Variants in SLC7A14 observed in about 807,000 individuals in gnomAD.
The protein encoded by SLC7A14 is gamma-aminobutyric acid transporter SLC7A14.
Under a neutral mutation model 60.2 loss-of-function variants are expected in SLC7A14, and 37 were observed. That is an observed-to-expected ratio of 0.61 (90% CI 0.47 to 0.81). SLC7A14 has a LOEUF of 0.81. Among genes scored for constraint, SLC7A14 ranks in the 30% least tolerant of loss-of-function variants. The pLI, the probability that SLC7A14 is intolerant of heterozygous loss-of-function variation, is 0.00. For missense variants in SLC7A14, 886 were observed against 982.7 expected, an observed-to-expected ratio of 0.90 and a Z score of 1.32; for synonymous variants, 399 against 395.8, an observed-to-expected ratio of 1.01 and a Z score of -0.10.
At position 170,484,477 on chromosome 3, in the gene SLC7A14, A is replaced by G. The variant is rs553984339; in HGVS notation, c.907-955T>C. On this transcript the variant is annotated intron_variant, in intron 5 of 7. Transcript: ENST00000231706. ...TGATCTGCCTAACATCCCTGCCTTCAGAATTGGCCATAGGCAATGGAGCCA... is the reference window on the plus strand; with the variant it reads ...TGATCTGCCTAACATCCCTGCCTTCGGAATTGGCCATAGGCAATGGAGCCA... 3.3e-5 allele frequency among the ~76,000 whole-genome samples: 5 copies of G among 152,380 alleles called. No individual in the cohort carries two copies. The East Asian group carries it at 9.6e-4, about 29-fold the overall frequency.
At chr3:170,568,304 A>G (rs1294056609) in intron 1 of SLC7A14, among the ~76,000 whole-genome samples, 1 of 152,194 alleles carries the variant, frequency 6.6e-6, no homozygotes, top group African/African-American at 2.4e-5. Context: ...GGTTTGTCAA[A>G]GATCAGATAG....
intron 1 of SLC7A14, among the ~76,000 whole-genome samples, chr3:170,559,613 T>G (rs1003052309): frequency 6.6e-6 from 1 of 152,248 alleles, no homozygotes; most frequent in African/African-American, 2.4e-5. Context: ...TGTTGATTAA[T>G]CCATGTTCTA....
intron 1 of SLC7A14, among the ~76,000 whole-genome samples, chr3:170,544,335 G>GAC (rs1233490626): frequency 6.6e-6 from 1 of 151,756 alleles, no homozygotes; most frequent in Non-Finnish European, 1.5e-5. Flanking sequence ...AGGTAAAATA[G>GAC]ACACACACAC....
chr3:170,495,057 G>A (rs372229321), intron 4 of SLC7A14, among the ~76,000 whole-genome samples: 4 of 152,246 alleles, frequency 2.6e-5, no homozygotes, highest in East Asian at 1.9e-4. Flanking sequence ...TGTTTTAAGG[G>A]TGAGATACTA....
At chr3:170,486,800 A>G (rs1712048222) in intron 4 of SLC7A14, among the ~76,000 whole-genome samples, 2 of 149,534 alleles carry the variant, frequency 1.3e-5, no homozygotes, top group South Asian at 4.3e-4. Flanking sequence ...TGAACCCAGG[A>G]GGCAGAGGTT....
intron 7 of SLC7A14, among the ~76,000 whole-genome samples, chr3:170,468,745 T>C (rs987403012): frequency 4.6e-5 from 7 of 152,220 alleles, no homozygotes; most frequent in Non-Finnish European, 7.3e-5. Context: ...TGTGTAACCC[T>C]GGTCCCATTA....
At chr3:170,501,581 A>G (rs889654466) in intron 2 of SLC7A14, among the ~76,000 whole-genome samples, 3 of 152,240 alleles carry the variant, frequency 2.0e-5, no homozygotes, top group Non-Finnish European at 2.9e-5. Context: ...AAACTGTTGG[A>G]AACTGATCTT....
chr3:170,496,623 G>A lies in SLC7A14; in HGVS notation c.759+2044C>T, dbSNP rs1406340301. 7 of 1,535,576 alleles carry A rather than the reference G, an allele frequency of 4.6e-6. No homozygotes were observed. The East Asian group carries it at 6.7e-5, about 15-fold the overall frequency. On this transcript the variant is annotated intron_variant, in intron 4 of 7. Transcript: ENST00000231706. ...CACCTACAGGAAGCTGCTGGAGGGC[G>A]AGGAGAGCCCGGCTGGAGTCTGGGA...
At chr3:170,584,174 C>G (rs951136813) in intron 1 of SLC7A14, among the ~76,000 whole-genome samples, 1 of 152,190 alleles carries the variant, frequency 6.6e-6, no homozygotes, top group African/African-American at 2.4e-5. Context: ...CAAATTGGCT[C>G]AATCCTTTCC....
In SLC7A14 at chr3:170,571,716, A is replaced by C. The variant is rs150436005; in HGVS notation, c.-153+14195T>G. Among the ~76,000 whole-genome samples the C allele has an allele frequency of 3.9e-4, 59 of 152,318 alleles. 1 individual carries two copies. The East Asian group carries it at 9.1e-3, about 23-fold the overall frequency. The stretch of plus-strand genomic sequence containing the variant: ...TGTTGAATGAATTAATGAATAACTA[A>C]ATGAATAAAAAGCTATTATTTCTTT... On this transcript the variant is annotated intron_variant, in intron 1 of 7. Coordinates refer to ENST00000231706, the MANE Select transcript of SLC7A14 (RefSeq NM_020949.3).
chr3:170,571,027 C>T (rs1437566522), intron 1 of SLC7A14, among the ~76,000 whole-genome samples: 3 of 152,130 alleles, frequency 2.0e-5, no homozygotes, highest in African/African-American at 7.2e-5. Context: ...TTCATTCTCT[C>T]ACTCAACATT....
intron 4 of SLC7A14, chr3:170,496,651 C>A: frequency 7.4e-7 from 1 of 1,342,700 alleles, no homozygotes; most frequent in Non-Finnish European, 1.1e-6. Flanking sequence ...GTCTGGGATG[C>A]AGAACACGAG....
At chr3:170,503,085 C>T (rs1257181150) in intron 2 of SLC7A14, 1 of 152,154 alleles carries the variant, frequency 6.6e-6, no homozygotes, top group African/African-American at 2.4e-5. Flanking sequence ...GAGATGCTGT[C>T]AGGGATAGTG....
intron 1 of SLC7A14, among the ~76,000 whole-genome samples, chr3:170,544,074 G>C (rs748649887): frequency 9.9e-5 from 15 of 152,010 alleles, no homozygotes; most frequent in Non-Finnish European, 1.8e-4. Context: ...GACATCTGAA[G>C]AGTATTTTAA....
At chr3:170,510,282 C>A (rs568579465) in intron 2 of SLC7A14, among the ~76,000 whole-genome samples, 1 of 149,994 alleles carries the variant, frequency 6.7e-6, no homozygotes, top group African/African-American at 2.5e-5. Flanking sequence ...TCCAGCTGTT[C>A]GGGAGGCTGA....
intron 1 of SLC7A14, among the ~76,000 whole-genome samples, chr3:170,564,677 T>C (rs1317487525): frequency 6.6e-6 from 1 of 152,232 alleles, no homozygotes; most frequent in Non-Finnish European, 1.5e-5. Flanking sequence ...AAGCACTGGT[T>C]TCTTCATCTA....
At chr3:170,544,100 A>G (rs1714100561) in intron 1 of SLC7A14, among the ~76,000 whole-genome samples, 1 of 152,014 alleles carries the variant, frequency 6.6e-6, no homozygotes, top group Non-Finnish European at 1.5e-5. Flanking sequence ...AAGCCTCCAC[A>G]TTCGGAGCCT....
intron 5 of SLC7A14, among the ~76,000 whole-genome samples, chr3:170,483,840 G>A (rs1388823894): frequency 6.6e-6 from 1 of 152,220 alleles, no homozygotes; most frequent in Non-Finnish European, 1.5e-5. Flanking sequence ...TCAGTGGAGA[G>A]CAGATATTTC....
At chr3:170,470,265 G>T (rs1281507073) in intron 7 of SLC7A14, among the ~76,000 whole-genome samples, 1 of 150,218 alleles carries the variant, frequency 6.7e-6, no homozygotes, top group South Asian at 2.1e-4. Context: ...TGTGATAAGA[G>T]GTTTACATGT....
Sources: gnomAD v4.1 joint callset for allele counts (sites outside exome capture counted in the v4.1 genomes callset) on GRCh38, gnomAD v4.1.1 for gene constraint, MANE v1.5 for transcripts, NCBI Gene and HGNC (gene_info 2026-07-23, HGNC 2026-07-21) for gene names.